The following GSE1 variants were observed in gnomAD, a reference collection of about 807,000 sequenced individuals.
GSE1 encodes Gse1 coiled-coil protein, also known as genetic suppressor element 1.
Under a neutral mutation model 112.6 loss-of-function variants are expected in GSE1, and 32 were observed. The ratio of observed to expected loss-of-function variants is 0.28; its 90% CI spans 0.21 to 0.38. The LOEUF is 0.38. Among genes scored for constraint, GSE1 ranks in the 10% least tolerant of loss-of-function variants. The pLI, the probability that GSE1 is intolerant of heterozygous loss-of-function variation, is 1.00. For missense variants in GSE1, 2,348 were observed against 1,699.2 expected (o/e 1.38, Z -6.71); for synonymous variants, 1,115 against 735.6 (o/e 1.52, Z -8.35).
At chr16:85,470,677 A>G (rs1194455460) in intron 2 of GSE1, among the ~76,000 whole-genome samples, 2 of 152,200 alleles carry the variant, frequency 1.3e-5, no homozygotes, top group African/African-American at 4.8e-5. Context: ...GGTCTCCTCC[A>G]CAGGGGTGAG....
At chr16:85,642,767 C>T (rs902668826) in intron 2 of GSE1, among the ~76,000 whole-genome samples, 4 of 152,338 alleles carry the variant, frequency 2.6e-5, no homozygotes, top group East Asian at 3.9e-4. Flanking sequence ...GGGTCGGGGC[C>T]GTGCAGAACA....
At chr16:85,551,405 G>A (rs2044907528), upstream of GSE1, among the ~76,000 whole-genome samples, 3 of 152,308 alleles carry the variant, frequency 2.0e-5, no homozygotes, top group South Asian at 6.2e-4. Flanking sequence ...CAGGGGTGCT[G>A]CAGCTCCCCT....
At chr16:85,527,741 C>T (rs1230909050) in intron 2 of GSE1, among the ~76,000 whole-genome samples, 1 of 152,322 alleles carries the variant, frequency 6.6e-6, no homozygotes, top group South Asian at 2.1e-4. Flanking sequence ...GAAGAGAGCG[C>T]ACGGGCTTGC....
chr16:85,361,759 C>T (rs537509223), intron 2 of GSE1, among the ~76,000 whole-genome samples: 86 of 152,356 alleles, frequency 5.6e-4, no homozygotes, highest in African/African-American at 2.0e-3. Context: ...CCCAGGGAAA[C>T]ACGTGGCCGT....
At chr16:85,576,701 C>G (rs956236319) in intron 1 of GSE1, among the ~76,000 whole-genome samples, 1 of 152,208 alleles carries the variant, frequency 6.6e-6, no homozygotes, top group Non-Finnish European at 1.5e-5. Flanking sequence ...AAACGCTTTT[C>G]TTTCCCAAGT....
chr16:85,314,513 C>T (rs934501054), intron 1 of GSE1, among the ~76,000 whole-genome samples: 1 of 152,112 alleles, frequency 6.6e-6, no homozygotes, highest in East Asian at 1.9e-4. Context: ...ATCCCACTGT[C>T]CCCTACACGT....
rs545295364 is a variant in GSE1, at chr16:85,483,672, G to A, written c.2464+126029G>A. ...GGATGGGCCTCCTGGCCGCACACCT[G>A]AGAACATGCTGGCAAAAGCGTTTGC... On this transcript the variant is annotated intron_variant, in intron 2 of 2. Transcript: ENST00000637419. Among the ~76,000 whole-genome samples, 5 of 152,398 alleles carry A rather than the reference G, an allele frequency of 3.3e-5. No individual in the cohort carries two copies. The East Asian group carries it at 7.7e-4, about 23-fold the overall frequency.
intron 2 of GSE1, among the ~76,000 whole-genome samples, chr16:85,499,567 A>C (rs983849134): frequency 6.6e-6 from 1 of 151,980 alleles, no homozygotes; most frequent in Non-Finnish European, 1.5e-5. Flanking sequence ...CAGCCTCCCA[A>C]AGTACTGGGA....
intron 1 of GSE1, among the ~76,000 whole-genome samples, chr16:85,330,352 A>G (rs945459273): frequency 6.6e-6 from 1 of 152,226 alleles, no homozygotes. Context: ...CAAGGAACGC[A>G]GGGGCCTGGA....
chr16:85,403,151 T>C (rs1389309773), intron 2 of GSE1, among the ~76,000 whole-genome samples: 3 of 152,138 alleles, frequency 2.0e-5, no homozygotes, highest in Non-Finnish European at 4.4e-5. Flanking sequence ...TGCCGGATGC[T>C]GGCTGGAAGC....
Position 85,666,197 on chromosome 16 carries a change from G to A in GSE1, c.2980G>A (p.Gly994Ser). The part of the protein sequence containing the change: ...KSLSMLHYIR[G>S]AAPKDIPVPL... ...TCTGAGCATGCTTCACTATATCCGG[G>A]GCGCTGCACCCAAGGACATTCCTGT... The change falls in exon 13 of 16, where the codon GGC becomes AGC. Residue 994 changes from glycine (G) to serine (S), a missense_variant. Physicochemically the swap from Gly to Ser is moderately conservative, Grantham distance 56. Transcript: ENST00000253458. 6.2e-7 allele frequency: 1 copy of A among 1,613,576 alleles called. No individual in the cohort carries two copies. Among genetic ancestry groups the A allele is most frequent in the East Asian group, 2.2e-5 (1 of 44,882 alleles).
chr16:85,562,158 C>A (rs1268530800), intron 1 of GSE1, among the ~76,000 whole-genome samples: 1 of 150,804 alleles, frequency 6.6e-6, no homozygotes. Context: ...GAGAAAGCTG[C>A]TTATTTACAG....
chr16:85,465,215 C>T (rs1342692360), intron 2 of GSE1, among the ~76,000 whole-genome samples: 5 of 152,216 alleles, frequency 3.3e-5, no homozygotes, highest in African/African-American at 1.2e-4. Flanking sequence ...ATCCTGGGCT[C>T]CTCCATGGGC....
At chr16:85,562,510 G>A (rs2045567841) in intron 1 of GSE1, among the ~76,000 whole-genome samples, 1 of 152,198 alleles carries the variant, frequency 6.6e-6, no homozygotes, top group South Asian at 2.1e-4. Context: ...TTGTACTCTG[G>A]GAGCAAATGG....
intron 1 of GSE1, among the ~76,000 whole-genome samples, chr16:85,589,097 C>T (rs1428979207): frequency 5.9e-5 from 9 of 152,270 alleles, no homozygotes; most frequent in South Asian, 2.1e-4. Flanking sequence ...CCCGTGTACC[C>T]GCCTCTCCCC....
intron 1 of GSE1, among the ~76,000 whole-genome samples, chr16:85,178,817 C>G (rs901672463): frequency 7.7e-6 from 1 of 129,078 alleles, no homozygotes; most frequent in African/African-American, 2.9e-5. Context: ...TGCACAGTGA[C>G]GAGTGTCCTG....
intron 1 of GSE1, among the ~76,000 whole-genome samples, chr16:85,222,239 G>A (rs2143760342): frequency 6.6e-6 from 1 of 152,178 alleles, no homozygotes. Context: ...CCCTGAGCGG[G>A]GCCCACCAGA....
intron 1 of GSE1, among the ~76,000 whole-genome samples, chr16:85,323,829 G>A (rs1265728553): frequency 6.6e-6 from 1 of 152,180 alleles, no homozygotes; most frequent in African/African-American, 2.4e-5. Context: ...CCTTAGATGA[G>A]AAGGGGTCCT....
In GSE1 at chr16:85,655,931, G is replaced by C. The variant is rs371951335; in HGVS notation, c.989+14G>C. ...CAGCGCGGAGAGGTAAGTGCGTCTC[G>C]AGCCGAGGAGCCCCTCTGCCCTCCC... is the stretch of plus-strand genomic sequence containing the variant. On this transcript the variant is annotated intron_variant, in intron 6 of 15. Transcript: ENST00000253458. 1.3e-6 allele frequency: 2 copies of C among 1,586,538 alleles called. No individual in the cohort carries two copies. Among genetic ancestry groups the C allele is most frequent in the South Asian group, 2.2e-5 (2 of 89,562 alleles).
Sources: allele counts gnomAD v4.1 joint callset (sites outside exome capture counted in the v4.1 genomes callset), GRCh38; gene constraint gnomAD v4.1.1; transcripts MANE v1.5; gene names NCBI Gene and HGNC (gene_info 2026-07-23, HGNC 2026-07-21).